The following TBXAS1 variants were observed in gnomAD, a reference collection of about 807,000 sequenced individuals.
TBXAS1 encodes thromboxane A synthase 1, also known as thromboxane-A synthase.
A neutral mutation model predicts 60.7 loss-of-function variants in TBXAS1; 48 were observed. The observed-to-expected ratio is 0.79, with a 90% CI of 0.63 to 1.01. The LOEUF is 1.01. TBXAS1 is among the 50% of genes least tolerant of loss of function. The pLI is 0.00. For missense variants in TBXAS1, 685 were observed against 686.3 expected (o/e 1.00, Z 0.02); for synonymous variants, 287 against 269.7 (o/e 1.06, Z -0.63).
At chr7:139,894,030 T>C (rs1584787108) in intron 3 of TBXAS1, among the ~76,000 whole-genome samples, 1 of 152,184 alleles carries the variant, frequency 6.6e-6, no homozygotes, top group Admixed American at 6.5e-5. Flanking sequence ...ATGAAGAAGC[T>C]GAGGGCCAGG....
chr7:139,804,270 A>G (rs1206334271), intron 4 of TBXAS1, among the ~76,000 whole-genome samples: 1 of 152,232 alleles, frequency 6.6e-6, no homozygotes, highest in Non-Finnish European at 1.5e-5. Context: ...ATTGGATTTC[A>G]GACTTGGATG....
intron 4 of TBXAS1, among the ~76,000 whole-genome samples, chr7:139,927,613 G>A (rs1012282302): frequency 6.6e-6 from 1 of 152,044 alleles, no homozygotes; most frequent in Admixed American, 6.6e-5. Flanking sequence ...TTGAAGAATT[G>A]ACATCATGAC....
chr7:139,797,591 T>C (rs1478264092), intron 4 of TBXAS1: 1 of 152,220 alleles, frequency 6.6e-6, no homozygotes, highest in East Asian at 1.9e-4. Flanking sequence ...CCTTGTAAGA[T>C]GGCCTATTCT....
At chr7:139,816,080 G>A (rs996029373) in intron 4 of TBXAS1, among the ~76,000 whole-genome samples, 2 of 152,128 alleles carry the variant, frequency 1.3e-5, no homozygotes, top group Admixed American at 6.5e-5. Flanking sequence ...GTTCTCATGA[G>A]ATCTGATGGT....
intron 3 of TBXAS1, among the ~76,000 whole-genome samples, chr7:139,903,417 A>G (rs1229494074): frequency 1.3e-5 from 2 of 152,058 alleles, no homozygotes; most frequent in African/African-American, 4.8e-5. Context: ...CCATGCAAGT[A>G]TCTTTTTTGA....
At chr7:139,820,507 T>C (rs533462609) in intron 4 of TBXAS1, among the ~76,000 whole-genome samples, 2 of 152,290 alleles carry the variant, frequency 1.3e-5, no homozygotes, top group Non-Finnish European at 2.9e-5. Context: ...ACCTGATTGA[T>C]GTTGACACGC....
rs535989541 is a variant in TBXAS1, at chr7:139,839,261, A to G, written c.89+9782A>G. On this transcript the variant is annotated intron_variant, in intron 1 of 12. Coordinates refer to ENST00000448866, the MANE Select transcript of TBXAS1 (RefSeq NM_001061.7). ...TGAGTGTGAATATTTAGCAAAAAAG[A>G]GAAATTTTACTAAAAAGAGTGGGAA... 9.9e-4 allele frequency among the ~76,000 whole-genome samples: 151 copies of G among 152,306 alleles called. 2 individuals are homozygous for G. The South Asian group carries it at 0.014, about 14-fold the overall frequency.
intron 2 of TBXAS1, among the ~76,000 whole-genome samples, chr7:139,873,250 A>C (rs1569505315): frequency 6.6e-6 from 1 of 152,238 alleles, no homozygotes; most frequent in South Asian, 2.1e-4. Flanking sequence ...GCTAAGGTGC[A>C]CTGGGCAATG....
At chr7:139,803,399 C>A (rs1444150439) in intron 4 of TBXAS1, among the ~76,000 whole-genome samples, 1 of 152,072 alleles carries the variant, frequency 6.6e-6, no homozygotes. Context: ...GAAGAAATTT[C>A]TAAGCAGAAA....
chr7:139,808,563 G>A (rs1314035355), intron 4 of TBXAS1, among the ~76,000 whole-genome samples: 7 of 152,054 alleles, frequency 4.6e-5, no homozygotes, highest in Non-Finnish European at 1.5e-5. Context: ...CACTTAGCGA[G>A]CAGCCCTCCT....
At chr7:139,800,282 T>C (rs1017230907) in intron 4 of TBXAS1, among the ~76,000 whole-genome samples, 1 of 152,164 alleles carries the variant, frequency 6.6e-6, no homozygotes, top group Non-Finnish European at 1.5e-5. Flanking sequence ...ATCCTTATAG[T>C]AGCTTCCAAG....
chr7:139,802,061 G>T (rs1797737091), intron 4 of TBXAS1, among the ~76,000 whole-genome samples: 2 of 152,194 alleles, frequency 1.3e-5, no homozygotes, highest in Non-Finnish European at 2.9e-5. Context: ...ACCACGTCCA[G>T]TCACATTATT....
chr7:139,823,583 C>A (rs1798357690), intron 4 of TBXAS1, among the ~76,000 whole-genome samples: 1 of 152,142 alleles, frequency 6.6e-6, no homozygotes, highest in Non-Finnish European at 1.5e-5. Flanking sequence ...TTCCCTCTAG[C>A]CACTCTGCAC....
intron 9 of TBXAS1, among the ~76,000 whole-genome samples, chr7:139,992,395 G>A (rs955248873): frequency 9.9e-5 from 15 of 152,036 alleles, no homozygotes; most frequent in Admixed American, 7.9e-4. Context: ...AATCCACCCC[G>A]CCAGCTCCCA....
In TBXAS1 at chr7:140,017,849, T is replaced by TCAGAGG. The variant is rs752044945; in HGVS notation, c.1527+20_1527+25dup. 3.4e-4 allele frequency: 548 copies of TCAGAGG among 1,613,682 alleles called. 2 individuals carry two copies. The highest frequency in any genetic ancestry group is 4.5e-4 in the Non-Finnish European group (528 of 1,179,868). Reference sequence around the variant, plus strand: ...TGAGACCCAGGTGAGGCCCCCCTGCTCAGAGGCAGGGGCAGGGGCAGGGGT... The same window carrying TCAGAGG: ...TGAGACCCAGGTGAGGCCCCCCTGCTCAGAGGCAGAGGCAGGGGCAGGGGCAGGGGT... On this transcript the variant is annotated intron_variant, in intron 12 of 12. Transcript: ENST00000448866.
chr7:139,980,277 C>T (rs1199375357), intron 9 of TBXAS1, among the ~76,000 whole-genome samples: 2 of 152,050 alleles, frequency 1.3e-5, no homozygotes, highest in Non-Finnish European at 2.9e-5. Flanking sequence ...GAAACATCAC[C>T]CCTACCTCCA....
At chr7:139,981,114 A>G (rs1232603592) in intron 9 of TBXAS1, among the ~76,000 whole-genome samples, 1 of 151,998 alleles carries the variant, frequency 6.6e-6, no homozygotes, top group Non-Finnish European at 1.5e-5. Flanking sequence ...TGTTTTTGTT[A>G]TTGTTATTTT....
At chr7:139,830,033 A>G (rs971606339) in intron 1 of TBXAS1, among the ~76,000 whole-genome samples, 1 of 152,190 alleles carries the variant, frequency 6.6e-6, no homozygotes, top group Non-Finnish European at 1.5e-5. Context: ...TAGTGTGTGC[A>G]GCTCCTACAA....
chr7:139,783,065 CA>C (rs1797052260), intron 3 of TBXAS1, among the ~76,000 whole-genome samples: 1 of 152,146 alleles, frequency 6.6e-6, no homozygotes, highest in Non-Finnish European at 1.5e-5. Context: ...AGTAACAAGA[CA>C]TTACACTCAC....
Sources: gnomAD v4.1 joint callset for allele counts (sites outside exome capture counted in the v4.1 genomes callset) on GRCh38, gnomAD v4.1.1 for gene constraint, MANE v1.5 for transcripts, NCBI Gene and HGNC (gene_info 2026-07-23, HGNC 2026-07-21) for gene names.